The following PCNX1 variants were observed in gnomAD, a reference collection of about 807,000 sequenced individuals.
PCNX1 encodes pecanex 1.
Under a neutral mutation model 242.2 loss-of-function variants are expected in PCNX1, and 78 were observed. The observed-to-expected ratio is 0.32, with a 90% CI of 0.27 to 0.39. PCNX1 has a LOEUF of 0.39. PCNX1 is among the 10% of genes least tolerant of loss of function. The probability of loss-of-function intolerance (pLI) is 1.00; values close to 1 mark genes in which losing one functional copy is unlikely to be tolerated. For missense variants in PCNX1, 2,581 were observed against 2,856.5 expected, an observed-to-expected ratio of 0.90 and a Z score of 2.20; for synonymous variants, 1,024 against 1,032.9, an observed-to-expected ratio of 0.99 and a Z score of 0.17.
intron 6 of PCNX1, among the ~76,000 whole-genome samples, chr14:70,987,939 G>A (rs1379711542): frequency 1.3e-5 from 2 of 152,174 alleles, no homozygotes; most frequent in African/African-American, 2.4e-5. Context: ...CAGGGGCATG[G>A]AGTTGAATAA....
intron 8 of PCNX1, among the ~76,000 whole-genome samples, chr14:70,997,724 A>G (rs1404060769): frequency 1.3e-5 from 2 of 152,194 alleles, no homozygotes; most frequent in Non-Finnish European, 2.9e-5. Context: ...AATGGAGTGT[A>G]TACCTGTTCC....
chr14:70,953,141 T>C (rs1474172221), intron 2 of PCNX1, among the ~76,000 whole-genome samples: 1 of 152,126 alleles, frequency 6.6e-6, no homozygotes, highest in Non-Finnish European at 1.5e-5. Flanking sequence ...TAGCTAGGTA[T>C]GGTGGTGTGC....
chr14:71,082,764 C>G (rs1193891558), intron 28 of PCNX1, among the ~76,000 whole-genome samples: 6 of 152,122 alleles, frequency 3.9e-5, no homozygotes, highest in African/African-American at 1.4e-4. Context: ...GATGGATCTC[C>G]TGAATACAGC....
intron 11 of PCNX1, among the ~76,000 whole-genome samples, chr14:71,018,515 C>T (rs1270080198): frequency 6.6e-6 from 1 of 151,980 alleles, no homozygotes; most frequent in Non-Finnish European, 1.5e-5. Flanking sequence ...TTTTCTAATT[C>T]TTTCAGATGA....
At chr14:71,083,576 CTTCATGCTTTAT>C (rs2061909642) in intron 28 of PCNX1, among the ~76,000 whole-genome samples, 2 of 152,044 alleles carry the variant, frequency 1.3e-5, no homozygotes, top group Admixed American at 1.3e-4. Context: ...CTCATCTTGT[CTTCATGCTTTAT>C]TTCATTAAGT....
At position 71,110,883 on chromosome 14, in the gene PCNX1, TAAG is replaced by T. The variant is rs2062741571; in HGVS notation, c.*956_*958del. On this transcript the variant is annotated 3_prime_UTR_variant, in exon 36 of 36. Transcript: ENST00000304743. ...CTTCTGGGAAGAAAACAATTTTCTTTAAGAAGAAGATGAATGTCCAGGAATTTA... is the reference window on the plus strand; with the variant it reads ...CTTCTGGGAAGAAAACAATTTTCTTTAAGAAGATGAATGTCCAGGAATTTA... 1 of 152,662 alleles carries T rather than the reference TAAG, an allele frequency of 6.6e-6. No homozygotes were observed. The highest frequency in any genetic ancestry group is 1.5e-5 in the Non-Finnish European group (1 of 68,040). 9.5% of individuals were successfully genotyped at this position (152,662 alleles called of 1,614,324 possible). A position where few individuals can be genotyped will look rare whatever the true frequency, so the allele number is the denominator to read the frequency against.
At chr14:70,908,918 C>T (rs1200437958) in intron 1 of PCNX1, among the ~76,000 whole-genome samples, 2 of 152,072 alleles carry the variant, frequency 1.3e-5, no homozygotes, top group Non-Finnish European at 2.9e-5. Flanking sequence ...TAGGGTGGGG[C>T]GTTAGGGAAA....
intron 9 of PCNX1, among the ~76,000 whole-genome samples, chr14:71,011,218 C>A (rs1321364276): frequency 6.6e-6 from 1 of 152,078 alleles, no homozygotes; most frequent in African/African-American, 2.4e-5. Context: ...TTCACAAGAA[C>A]CTTGTGATAC....
Position 70,993,316 on chromosome 14 carries a change from A to AGTTTGTTTAGAG in PCNX1, c.2445-2425_2445-2424insGTTTGTTTAGAG, listed in dbSNP as rs1209103103. ...TTTTTTTTTTGTATGTTTAGTAGAG[A>AGTTTGTTTAGAG]CGGGGTTTCACCGTGTTAAGCCAGG... On this transcript the variant is annotated intron_variant, in intron 7 of 35. Transcript: ENST00000304743. Among the ~76,000 whole-genome samples, 217 of 150,984 alleles carry AGTTTGTTTAGAG rather than the reference A, an allele frequency of 1.4e-3. 1 individual carries two copies. Among genetic ancestry groups the AGTTTGTTTAGAG allele is most frequent in the Non-Finnish European group, 2.7e-3 (183 of 67,756 alleles).
In PCNX1 at chr14:70,987,732, T is replaced by G. The variant is rs184679307; in HGVS notation, c.2312-835T>G. Among the ~76,000 whole-genome samples, 9 of 152,352 alleles carry G rather than the reference T, an allele frequency of 5.9e-5. No individual in the cohort carries two copies. The East Asian group carries it at 1.7e-3, about 29-fold the overall frequency. On this transcript the variant is annotated intron_variant, in intron 6 of 35. Transcript: ENST00000304743. Reference sequence around the variant, plus strand: ...GGTCAATTTTTGTGGTTTTGTAAGATCTGTGTAGTTCTACTAAGCCATTGT... The same window carrying G: ...GGTCAATTTTTGTGGTTTTGTAAGAGCTGTGTAGTTCTACTAAGCCATTGT...
chr14:70,977,431 A>G lies in PCNX1; in HGVS notation c.1094A>G (p.Glu365Gly). The change falls in exon 6 of 36, where the codon GAG (glutamate) becomes GGG (glycine). Residue 365 changes from glutamate (E) to glycine (G), a missense_variant. Physicochemically the swap from Glu to Gly is moderately conservative, Grantham distance 98. This residue lies in a region of PCNX1 where 1,204 missense variants were observed against 1,216.7 expected (regional missense o/e 0.99). Coordinates refer to ENST00000304743, the MANE Select transcript of PCNX1 (RefSeq NM_014982.3). ...KSGKSKPLKA[E>G]KSMDSLRSLS... is the part of the protein sequence containing the mutation. ...GGGAAGAGCAAACCTTTGAAAGCAGAGAAAAGCATGGACAGCTTGAGGAGC... is the reference window on the plus strand; with the variant it reads ...GGGAAGAGCAAACCTTTGAAAGCAGGGAAAAGCATGGACAGCTTGAGGAGC... The G allele has an allele frequency of 6.2e-7, 1 of 1,614,114 alleles. No individual in the cohort carries two copies.
rs769199556 is a variant in PCNX1 at position 70,977,457 on chromosome 14, C to T, written c.1120C>T (p.Leu374=). The T allele has an allele frequency of 1.2e-6, 2 of 1,614,060 alleles. No homozygotes were observed. The highest frequency in any genetic ancestry group is 3.3e-5 in the Admixed American group (2 of 60,030). Residue 374 remains leucine (L), a synonymous_variant, in exon 6 of 36, where the codon CTG becomes TTG. Transcript: ENST00000304743. The part of the protein sequence containing the change: ...AEKSMDSLRS[L]STRSSGSTES... Reference sequence around the variant, plus strand: ...GAAAAGCATGGACAGCTTGAGGAGCCTGAGCACACGGAGTAGTGGGTCAAC... The same window carrying T: ...GAAAAGCATGGACAGCTTGAGGAGCTTGAGCACACGGAGTAGTGGGTCAAC...
intron 6 of PCNX1, among the ~76,000 whole-genome samples, chr14:70,984,184 C>T (rs1470287913): frequency 2.0e-5 from 3 of 150,946 alleles, no homozygotes; most frequent in South Asian, 2.1e-4. Context: ...TTTTTATTTT[C>T]GTGATCTTTC....
chr14:70,928,937 T>A lies in PCNX1; in HGVS notation c.154-17978T>A, dbSNP rs77597263. ...CTTGATGGTTTGGGAATAGGTACCT[T>A]AATCTCATCAGAAAACCATTTCAAC... On this transcript the variant is annotated intron_variant, in intron 1 of 35. Transcript: ENST00000304743. 9.0e-3 allele frequency among the ~76,000 whole-genome samples: 1,364 copies of A among 152,318 alleles called. 9 individuals carry two copies. Among genetic ancestry groups the A allele is most frequent in the Non-Finnish European group, 0.012 (842 of 68,014 alleles).
chr14:70,910,050 C>CTCACCAGCACCATCATCATCA, intron 1 of PCNX1, among the ~76,000 whole-genome samples: 1 of 79,830 alleles, frequency 1.3e-5, no homozygotes, highest in Non-Finnish European at 2.7e-5. Context: ...TCCTCCTCCT[C>CTCACCAGCACCATCATCATCA]CTCCTCCTCC....
intron 33 of PCNX1, among the ~76,000 whole-genome samples, chr14:71,107,725 A>G (rs961696358): frequency 6.6e-6 from 1 of 152,208 alleles, no homozygotes; most frequent in Admixed American, 6.5e-5. Context: ...CTGTCTCTCT[A>G]TAGACAGTGT....
chr14:71,002,488 T>A (rs970505949), intron 8 of PCNX1, among the ~76,000 whole-genome samples: 5 of 152,214 alleles, frequency 3.3e-5, no homozygotes, highest in Non-Finnish European at 7.3e-5. Context: ...TCTGTCACCT[T>A]CAAAAAATTC....
At chr14:70,962,525 G>A (rs2058253478) in intron 3 of PCNX1, among the ~76,000 whole-genome samples, 194 bp downstream of exon 3, 1 of 152,120 alleles carries the variant, frequency 6.6e-6, no homozygotes, top group East Asian at 1.9e-4. Context: ...GATTTGTTGA[G>A]CATTACCACA....
chr14:71,057,168 C>A (rs917200744), intron 25 of PCNX1, among the ~76,000 whole-genome samples: 1 of 151,790 alleles, frequency 6.6e-6, no homozygotes, highest in Non-Finnish European at 1.5e-5. Flanking sequence ...TTTTATTTTC[C>A]TCATTTCTCT....
Sources: allele counts gnomAD v4.1 joint callset (sites outside exome capture counted in the v4.1 genomes callset), GRCh38; gene constraint gnomAD v4.1.1; regional missense constraint gnomAD v4.1.1; transcripts MANE v1.5; gene names NCBI Gene and HGNC (gene_info 2026-07-23, HGNC 2026-07-21).